DLC1: variants seen among roughly 807,000 people sequenced by gnomAD.
DLC1 encodes rho GTPase-activating protein 7.
In DLC1, 54 loss-of-function variants were observed where a neutral mutation model predicts 140.3. That is an observed-to-expected ratio of 0.38 (90% CI 0.31 to 0.48). The LOEUF is 0.48. DLC1 is among the 20% of genes least tolerant of loss of function. The pLI is 0.96. For synonymous variants in DLC1, 986 were observed against 728.1 expected (o/e 1.35, Z -5.70); for missense variants, 2,536 against 1,907.0 (o/e 1.33, Z -6.14).
At chr8:13,462,396 CTTTTTTT>C (rs869264457) in intron 2 of DLC1, among the ~76,000 whole-genome samples, 4 of 131,126 alleles carry the variant, frequency 3.1e-5, no homozygotes, top group South Asian at 2.4e-4. Context: ...CATTACTATT[CTTTTTTT>C]TTTTTTTTTT....
intron 17 of DLC1, 88 bp from the exon 18 acceptor site, chr8:13,086,019 A>C: frequency 6.5e-7 from 1 of 1,546,778 alleles, no homozygotes; most frequent in South Asian, 1.2e-5. Flanking sequence ...GCTAGTTCAA[A>C]TGCATAAAAT....
intron 2 of DLC1, among the ~76,000 whole-genome samples, chr8:13,463,806 G>T (rs1404163575): frequency 6.6e-6 from 1 of 152,178 alleles, no homozygotes; most frequent in African/African-American, 2.4e-5. Flanking sequence ...TCCCTAGAGA[G>T]TTTCTGTTAG....
chr8:13,595,719 A>T (rs1805660447), intron 1 of DLC1, among the ~76,000 whole-genome samples: 1 of 152,010 alleles, frequency 6.6e-6, no homozygotes, highest in South Asian at 2.1e-4. Context: ...TAATTGTGAA[A>T]ATATGTATTT....
intron 10 of DLC1, chr8:13,095,488 C>T (rs1818434677): frequency 1.9e-6 from 1 of 523,612 alleles, no homozygotes; most frequent in African/African-American, 1.9e-5. Flanking sequence ...AAGAACATTC[C>T]TATCATCCAG....
chr8:13,265,266 G>GGA (rs1830638555), intron 5 of DLC1, among the ~76,000 whole-genome samples: 1 of 152,128 alleles, frequency 6.6e-6, no homozygotes, highest in African/African-American at 2.4e-5. Flanking sequence ...GGCGAAGAAA[G>GGA]CATTTACACA....
chr8:13,395,272 C>T (rs1242975717), intron 3 of DLC1, among the ~76,000 whole-genome samples: 1 of 152,014 alleles, frequency 6.6e-6, no homozygotes, highest in Non-Finnish European at 1.5e-5. Flanking sequence ...CAGGTGCACA[C>T]CACCACACCC....
intron 2 of DLC1, among the ~76,000 whole-genome samples, chr8:13,472,004 C>G (rs1800230431): frequency 6.6e-6 from 1 of 152,190 alleles, no homozygotes; most frequent in Non-Finnish European, 1.5e-5. Flanking sequence ...TGTGCAAAAC[C>G]TACGCACGGA....
intron 1 of DLC1, among the ~76,000 whole-genome samples, chr8:13,508,792 C>T (rs568149581): frequency 1.3e-5 from 2 of 152,076 alleles, no homozygotes; most frequent in Non-Finnish European, 2.9e-5. Context: ...ATGCAATCTT[C>T]TTAATAGTAC....
intron 5 of DLC1, among the ~76,000 whole-genome samples, chr8:13,144,657 C>G (rs569093077): frequency 6.6e-6 from 1 of 151,996 alleles, no homozygotes; most frequent in Admixed American, 6.6e-5. Flanking sequence ...CCCAGCTACT[C>G]GGGAGGCTGA....
Position 13,095,080 on chromosome 8 carries a change from T to C in DLC1, c.3327+6A>G. On this transcript the variant is annotated splice_donor_region_variant and intron_variant, in intron 11 of 17. Coordinates refer to ENST00000276297, the MANE Select transcript of DLC1 (RefSeq NM_182643.3). ...GAGTACGTGGACCCGCAGGCAGCGC[T>C]CTCACCTGATCCAAACAATGGTTCC... The C allele has an allele frequency of 6.2e-7, 1 of 1,614,196 alleles. No individual in the cohort carries two copies. Among genetic ancestry groups the C allele is most frequent in the Non-Finnish European group, 8.5e-7 (1 of 1,180,024 alleles).
chr8:13,194,869 G>A (rs1826958387), intron 5 of DLC1, among the ~76,000 whole-genome samples: 1 of 152,096 alleles, frequency 6.6e-6, no homozygotes, highest in African/African-American at 2.4e-5. Context: ...AATTAGCTGG[G>A]TGTGGTGGCA....
At chr8:13,311,022 T>C (rs928766214) in intron 4 of DLC1, among the ~76,000 whole-genome samples, 27 of 152,198 alleles carry the variant, frequency 1.8e-4, no homozygotes, top group Non-Finnish European at 4.4e-5. Flanking sequence ...TAGACATGCA[T>C]ACATTTATGG....
At position 13,451,035 on chromosome 8, in the gene DLC1, C is replaced by T. The variant is rs1294786219; in HGVS notation, c.1023+48014G>A. ...GCCTGGTGATAGAGTGAGACTCCGT[C>T]TCAAAAAAAAAAAAAAAAAAAAAAA... On this transcript the variant is annotated intron_variant, in intron 2 of 17. Coordinates refer to ENST00000276297, the MANE Select transcript of DLC1 (RefSeq NM_182643.3). Among the ~76,000 whole-genome samples, 3 of 11,980 alleles carry T rather than the reference C, an allele frequency of 2.5e-4. 1 individual carries two copies. Among genetic ancestry groups the T allele is most frequent in the Non-Finnish European group, 5.6e-4 (3 of 5,362 alleles). 7.9% of individuals were successfully genotyped at this position (11,980 alleles called of 152,430 possible).
chr8:13,327,571 C>T (rs991875969), intron 4 of DLC1, among the ~76,000 whole-genome samples: 2 of 151,588 alleles, frequency 1.3e-5, no homozygotes, highest in African/African-American at 4.8e-5. Flanking sequence ...CCTCCTGTCT[C>T]AGGTTCTCAT....
chr8:13,171,969 A>G (rs907451807), intron 5 of DLC1, among the ~76,000 whole-genome samples: 3 of 152,224 alleles, frequency 2.0e-5, no homozygotes, highest in Non-Finnish European at 4.4e-5. Context: ...GCTCAGAATT[A>G]GTTAATGGGC....
rs186250909 is a variant in DLC1 at position 13,573,848 on chromosome 8, G to A, written c.-126+30689C>T. Among the ~76,000 whole-genome samples, 8 of 152,244 alleles carry A rather than the reference G, an allele frequency of 5.3e-5. No homozygotes were observed. In the East Asian group the frequency reaches 7.7e-4, roughly 15 times the overall value. On this transcript the variant is annotated intron_variant, in intron 1 of 1. Transcript: ENST00000631382. Reference sequence around the variant, plus strand: ...CATTAATATAAAATTTACATATGACGTTAATATAAAAGTTCATTTTATGAC... The same window carrying A: ...CATTAATATAAAATTTACATATGACATTAATATAAAAGTTCATTTTATGAC...
At chr8:13,115,800 A>T in intron 5 of DLC1, 143 bp from the exon 6 acceptor site, 1 of 726,632 alleles carries the variant, frequency 1.4e-6, no homozygotes, top group Non-Finnish European at 2.3e-6. Context: ...TACACGCTTA[A>T]TTCGAATGGT....
intron 2 of DLC1, among the ~76,000 whole-genome samples, chr8:13,442,393 A>T (rs1368920548): frequency 4.6e-5 from 7 of 152,348 alleles, no homozygotes; most frequent in Non-Finnish European, 8.8e-5. Flanking sequence ...ACAGCAAAAG[A>T]AACTACCATC....
rs1049642653 is a variant in DLC1 at position 13,085,465 on chromosome 8, A to G, written c.*346T>C. 1 of 176,626 alleles carries G rather than the reference A, an allele frequency of 5.7e-6. No homozygotes were observed. The highest frequency in any genetic ancestry group is 2.4e-5 in the African/African-American group (1 of 42,244). The allele number at this position is 176,626 out of a possible 1,614,324, so 10.9% of individuals were successfully genotyped here. ...CTCAACACACTGCAAATAAAGCGAC[A>G]CAGGTACGCATACACTGATATCACA... On this transcript the variant is annotated 3_prime_UTR_variant, in exon 18 of 18. Coordinates refer to ENST00000276297, the MANE Select transcript of DLC1 (RefSeq NM_182643.3).
Sources: allele counts gnomAD v4.1 joint callset (sites outside exome capture counted in the v4.1 genomes callset), GRCh38; gene constraint gnomAD v4.1.1; transcripts MANE v1.5; gene names NCBI Gene and HGNC (gene_info 2026-07-23, HGNC 2026-07-21).